Variants in NTRK1 observed in about 807,000 individuals in gnomAD.
NTRK1 encodes the protein neurotrophic receptor tyrosine kinase 1.
NTRK1 carries 62 observed loss-of-function variants against 86.8 expected under a neutral mutation model. The ratio of observed to expected loss-of-function variants is 0.71; its 90% CI spans 0.58 to 0.88. The LOEUF is 0.88. NTRK1 is among the 40% of genes least tolerant of loss of function. NTRK1 has a pLI of 0.00. For synonymous variants in NTRK1, 469 were observed against 456.6 expected, an observed-to-expected ratio of 1.03 and a Z score of -0.35; for missense variants, 967 against 1,078.4, an observed-to-expected ratio of 0.90 and a Z score of 1.45.
intron 2 of NTRK1, chr1:156,845,550 CTCCCGCAAGACCCG>C: frequency 3.6e-6 from 5 of 1,390,806 alleles, no homozygotes; most frequent in South Asian, 1.4e-5. Flanking sequence ...AACCCCACCC[CTCCCGCAAGACCCG>C]CCCCTCACAG....
At chr1:156,842,233 C>A (rs201742278) in intron 2 of NTRK1, 12 of 1,614,046 alleles carry the variant, frequency 7.4e-6, no homozygotes, top group Non-Finnish European at 1.0e-5. Context: ...CCATTTGGAT[C>A]ATTTCCCCCA....
chr1:156,851,984 C>A, intron 2 of NTRK1: 1 of 1,610,920 alleles, frequency 6.2e-7, no homozygotes, highest in South Asian at 1.1e-5. Flanking sequence ...AGAGTGCAGG[C>A]TGGCACAGCG....
rs62640942 is a variant in NTRK1 at position 156,854,122 on chromosome 1, G to A, written c.51-10232G>A. On this transcript the variant is annotated intron_variant, in intron 2 of 16. Coordinates refer to the NTRK1 transcript ENST00000392302. The surrounding 1 kb of genome is among the most constrained non-coding windows in gnomAD (Gnocchi z 4.2). ...AGAGGTCGCGCAGGCTCTCCAGTCC[G>A]TAGACACGGAAGAGCAGCAGGTAGT... is the stretch of plus-strand genomic sequence containing the variant. 2.6e-4 allele frequency: 416 copies of A among 1,614,024 alleles called. 2 individuals are homozygous for A. The highest frequency in any genetic ancestry group is 8.2e-4 in the Middle Eastern group (5 of 6,084).
rs1364780902 is a variant in NTRK1, at chr1:156,854,188, G to A, written c.51-10166G>A. The A allele has an allele frequency of 1.2e-6, 2 of 1,614,002 alleles. No homozygotes were observed. The highest frequency in any genetic ancestry group is 2.2e-5 in the East Asian group (1 of 44,904). On this transcript the variant is annotated intron_variant, in intron 2 of 16. Coordinates refer to the NTRK1 transcript ENST00000392302. The surrounding 1 kb of genome is among the most constrained non-coding windows in gnomAD (Gnocchi z 4.2). ...GGCGAGGGAAGCTGAGGCCGCGGAA[G>A]TCCTCCCCGGTGGCTGTGAACATGA...
chr1:156,838,077 C>T (rs1040444283), intron 1 of NTRK1, among the ~76,000 whole-genome samples: 1 of 152,222 alleles, frequency 6.6e-6, no homozygotes, highest in African/African-American at 2.4e-5. Flanking sequence ...GGAACCTCAT[C>T]CTGCTGCCAC....
At chr1:156,863,017 G>C (rs1655748312) in intron 1 of NTRK1, among the ~76,000 whole-genome samples, 2 of 151,990 alleles carry the variant, frequency 1.3e-5, no homozygotes, top group East Asian at 3.9e-4. Flanking sequence ...TTAGAGGGTA[G>C]AGGGGGAGAG....
At chr1:156,822,160 C>T (rs548623025) in intron 1 of NTRK1, among the ~76,000 whole-genome samples, 30 of 152,266 alleles carry the variant, frequency 2.0e-4, no homozygotes, top group Admixed American at 2.6e-4. Flanking sequence ...GTGTCCAACA[C>T]GGTCCACCCC....
At chr1:156,845,427 G>C in intron 2 of NTRK1, 7 of 1,541,118 alleles carry the variant, frequency 4.5e-6, no homozygotes, top group Non-Finnish European at 6.1e-6. Context: ...GGGAGGCCAG[G>C]AGTAGCCCTA....
upstream of NTRK1, among the ~76,000 whole-genome samples, chr1:156,856,896 G>A (rs1197735081): frequency 3.3e-5 from 5 of 152,016 alleles, no homozygotes; most frequent in African/African-American, 9.7e-5. Context: ...AGGACCTTCC[G>A]TGGCTCCCCA....
intron 2 of NTRK1, among the ~76,000 whole-genome samples, chr1:156,850,018 T>A (rs2102864637): frequency 6.6e-6 from 1 of 151,994 alleles, no homozygotes; most frequent in East Asian, 1.9e-4. Context: ...TCCTCCCACC[T>A]CAGTCTCTTG....
In NTRK1 at chr1:156,852,011, C is replaced by T. The variant is rs201429290; in HGVS notation, c.50+9818C>T. ...GGCACAGCGCTCAGCTGTGACACAGCGCCAGGACTCATACTGGTAGGTGCC... is the reference window on the plus strand; with the variant it reads ...GGCACAGCGCTCAGCTGTGACACAGTGCCAGGACTCATACTGGTAGGTGCC... On this transcript the variant is annotated intron_variant, in intron 2 of 16. Transcript: ENST00000392302. 8.4e-5 allele frequency: 135 copies of T among 1,613,320 alleles called. No homozygotes were observed. Among genetic ancestry groups the T allele is most frequent in the Non-Finnish European group, 1.0e-4 (121 of 1,179,814 alleles).
intron 4 of NTRK1, 110 bp from the exon 5 acceptor site, chr1:156,867,994 C>T: frequency 9.0e-6 from 11 of 1,217,740 alleles, no homozygotes; most frequent in Non-Finnish European, 1.3e-5. Context: ...CCTCTGTGTC[C>T]TCCCTTTCAC....
chr1:156,847,416 G>C (rs1655050365), intron 2 of NTRK1, among the ~76,000 whole-genome samples: 1 of 152,226 alleles, frequency 6.6e-6, no homozygotes, highest in South Asian at 2.1e-4. Context: ...GGGTAGAAGA[G>C]GGCTCCCTGG....
chr1:156,816,358 G>A (rs1653931696), intron 1 of NTRK1, among the ~76,000 whole-genome samples: 1 of 152,166 alleles, frequency 6.6e-6, no homozygotes, highest in Admixed American at 6.5e-5. Context: ...GCCTTCGGAT[G>A]GTCAGGGAGG....
intron 3 of NTRK1, among the ~76,000 whole-genome samples, chr1:156,866,318 G>A (rs932353664): frequency 6.6e-6 from 1 of 152,222 alleles, no homozygotes; most frequent in African/African-American, 2.4e-5. Flanking sequence ...GTGTGGCCTG[G>A]AGCCGGGCCC....
rs1036064055 is a variant in NTRK1 at position 156,854,089 on chromosome 1, G to A, written c.51-10265G>A. 1.9e-6 allele frequency: 3 copies of A among 1,614,122 alleles called. No individual in the cohort carries two copies. The highest frequency in any genetic ancestry group is 1.7e-6 in the Non-Finnish European group (2 of 1,180,044). ...GGCGCGTCCCGCGGATGACTGCTAGGTTGGGGAAGAGGTCGCGCAGGCTCT... is the reference window on the plus strand; with the variant it reads ...GGCGCGTCCCGCGGATGACTGCTAGATTGGGGAAGAGGTCGCGCAGGCTCT... On this transcript the variant is annotated intron_variant, in intron 2 of 16. Transcript: ENST00000392302. This position sits in a 1 kb window ranked among gnomAD's most constrained non-coding sequence, Gnocchi z 4.2.
chr1:156,876,361 G>A (rs763331835), intron 13 of NTRK1, 39 bp from the exon 14 acceptor site: 6 of 1,612,874 alleles, frequency 3.7e-6, no homozygotes, highest in East Asian at 2.2e-5. Flanking sequence ...GTGAGGGCTC[G>A]GCCCCCAACT....
chr1:156,855,698 A>G (rs1571675302), intron 2 of NTRK1, among the ~76,000 whole-genome samples: 1 of 151,982 alleles, frequency 6.6e-6, no homozygotes, highest in East Asian at 1.9e-4. Flanking sequence ...GGTGGTGCAC[A>G]CCTATAGTCT....
exon 2 of NTRK1, chr1:156,842,159 G>A (rs1307887055): frequency 6.2e-7 from 1 of 1,614,088 alleles, no homozygotes; most frequent in Non-Finnish European, 8.5e-7. Flanking sequence ...GTTGCGGGCT[G>A]CTAGATCTCG....
Sources: gnomAD v4.1 joint callset for allele counts (sites outside exome capture counted in the v4.1 genomes callset) on GRCh38, gnomAD v4.1.1 for gene constraint, Gnocchi (gnomAD v3.1) non-coding constraint, MANE v1.5 for transcripts, NCBI Gene and HGNC (gene_info 2026-07-23, HGNC 2026-07-21) for gene names.